ZFAT: variants seen among roughly 807,000 people sequenced by gnomAD.
ZFAT encodes the protein zinc finger protein ZFAT.
In ZFAT, 64 loss-of-function variants were observed where a neutral mutation model predicts 117.7. That is an observed-to-expected ratio of 0.54 (90% CI 0.44 to 0.67). ZFAT has a LOEUF of 0.67. Among genes scored for constraint, ZFAT ranks in the 30% least tolerant of loss-of-function variants. The pLI, the probability that ZFAT is intolerant of heterozygous loss-of-function variation, is 0.00. For missense variants in ZFAT, 1,433 were observed against 1,584.5 expected (o/e 0.90, Z 1.62); for synonymous variants, 679 against 615.0 (o/e 1.10, Z -1.54).
the ZFAT span, among the ~76,000 whole-genome samples, chr8:134,818,124 A>G: frequency 6.6e-6 from 1 of 152,234 alleles, no homozygotes; most frequent in African/African-American, 2.4e-5. Flanking sequence ...AGTACAATCC[A>G]TAAAAGAACT....
At chr8:134,517,264 GTTA>G (rs1820320394) in intron 13 of ZFAT, among the ~76,000 whole-genome samples, 1 of 151,892 alleles carries the variant, frequency 6.6e-6, no homozygotes, top group Non-Finnish European at 1.5e-5. Context: ...GTTTAATTTT[GTTA>G]TTATTATATA....
intron 15 of ZFAT, among the ~76,000 whole-genome samples, chr8:134,479,110 C>G (rs894621812): frequency 1.3e-5 from 2 of 152,118 alleles, no homozygotes; most frequent in Admixed American, 1.3e-4. Flanking sequence ...GGCGGTGCTC[C>G]TGGAAATTTA....
the ZFAT span, among the ~76,000 whole-genome samples, chr8:134,720,146 TC>T: frequency 6.6e-6 from 1 of 151,980 alleles, no homozygotes; most frequent in Non-Finnish European, 1.5e-5. Flanking sequence ...AGGACAGGAG[TC>T]CTCATGGACA....
intron 1 of ZFAT, among the ~76,000 whole-genome samples, chr8:134,664,226 T>C (rs1341290798): frequency 6.7e-6 from 1 of 148,176 alleles, no homozygotes; most frequent in African/African-American, 2.5e-5. Flanking sequence ...GGACGGAGGG[T>C]CAGAGAGGCT....
intron 10 of ZFAT, among the ~76,000 whole-genome samples, chr8:134,567,059 T>C (rs116676608): frequency 1.8e-3 from 276 of 152,340 alleles, no homozygotes; most frequent in Middle Eastern, 6.8e-3. Flanking sequence ...TGTAAACCTT[T>C]GATGCCAAAA....
the ZFAT span, among the ~76,000 whole-genome samples, chr8:134,772,650 A>G: frequency 6.6e-6 from 1 of 152,248 alleles, no homozygotes; most frequent in Non-Finnish European, 1.5e-5. Context: ...TGATCCAGAA[A>G]GTCTAGCTAA....
chr8:134,538,696 T>C (rs950389493), intron 11 of ZFAT, among the ~76,000 whole-genome samples: 1 of 151,066 alleles, frequency 6.6e-6, no homozygotes, highest in Non-Finnish European at 1.5e-5. Context: ...ACTTGTGGGG[T>C]TGAGGCACGA....
chr8:134,827,045 C>T, the ZFAT span, among the ~76,000 whole-genome samples: 1 of 152,100 alleles, frequency 6.6e-6, no homozygotes, highest in Non-Finnish European at 1.5e-5. Context: ...CTCAGCCTTT[C>T]TTTTTTAGGG....
chr8:134,556,226 G>A (rs1823614304), intron 11 of ZFAT, among the ~76,000 whole-genome samples: 1 of 151,870 alleles, frequency 6.6e-6, no homozygotes, highest in African/African-American at 2.4e-5. Context: ...CTTGAAGAAA[G>A]GCAAATAGAA....
intron 11 of ZFAT, among the ~76,000 whole-genome samples, chr8:134,549,255 C>T (rs1822943919): frequency 6.6e-6 from 1 of 152,092 alleles, no homozygotes; most frequent in South Asian, 2.1e-4. Context: ...TCCTGGCTAA[C>T]ATGGTGAAAC....
At chr8:134,662,757 A>G (rs1831995416) in intron 1 of ZFAT, among the ~76,000 whole-genome samples, 2 of 152,270 alleles carry the variant, frequency 1.3e-5, no homozygotes, top group Admixed American at 6.5e-5. Context: ...AGGTCTGGTC[A>G]GCAGGGAGGC....
In ZFAT at chr8:134,671,541, C is replaced by T. The variant is rs185994602; in HGVS notation, c.20-13804G>A. Among the ~76,000 whole-genome samples the T allele has an allele frequency of 1.9e-4, 29 of 152,226 alleles. No homozygotes were observed. In the East Asian group the frequency reaches 5.6e-3, roughly 29 times the overall value. ...CAATAGATGCAGAAAAGGCCTTCAA[C>T]AAAATTCAACAGCCCTTCATGTTAA... is the stretch of plus-strand genomic sequence containing the variant. On this transcript the variant is annotated intron_variant, in intron 1 of 15. Coordinates refer to ENST00000377838, the MANE Select transcript of ZFAT (RefSeq NM_020863.4).
At chr8:134,682,240 C>T (rs2131301648) in intron 1 of ZFAT, among the ~76,000 whole-genome samples, 1 of 152,310 alleles carries the variant, frequency 6.6e-6, no homozygotes, top group East Asian at 1.9e-4. Flanking sequence ...ACAGCATCTA[C>T]TTTAGGGAGC....
chr8:134,520,733 C>T (rs75806135), intron 13 of ZFAT, 150 bp downstream of exon 13: 7,368 of 626,450 alleles, frequency 0.012, 70 homozygotes, highest in Non-Finnish European at 0.017. Flanking sequence ...CCCTCAGACG[C>T]GAGACATCAT....
chr8:134,624,217 CA>C (rs1289542510), intron 3 of ZFAT, among the ~76,000 whole-genome samples: 27 of 150,716 alleles, frequency 1.8e-4, no homozygotes, highest in South Asian at 6.3e-4. Flanking sequence ...CACACACACA[CA>C]CCCTTAACTC....
the ZFAT span, among the ~76,000 whole-genome samples, chr8:134,808,183 T>C: frequency 2.6e-5 from 4 of 152,170 alleles, no homozygotes; most frequent in Non-Finnish European, 4.4e-5. Context: ...CATGCACACA[T>C]GCAGAAACGT....
the ZFAT span, chr8:134,783,932 G>C: frequency 6.6e-6 from 1 of 152,182 alleles, no homozygotes; most frequent in African/African-American, 2.4e-5. Context: ...TAGTCACATA[G>C]GCATGGAGAA....
intron 4 of ZFAT, 99 bp from the exon 5 acceptor site, chr8:134,608,978 T>C: frequency 7.4e-7 from 1 of 1,353,004 alleles, no homozygotes; most frequent in East Asian, 2.6e-5. Context: ...TCTATTTCTA[T>C]ACTGTCTGAT....
chr8:134,650,203 A>G (rs1831155756), intron 2 of ZFAT, among the ~76,000 whole-genome samples: 1 of 150,478 alleles, frequency 6.6e-6, no homozygotes, highest in African/African-American at 2.4e-5. Flanking sequence ...GCTCACTGCA[A>G]CCTCTGCCTC....
Sources: allele counts gnomAD v4.1 joint callset (sites outside exome capture counted in the v4.1 genomes callset), GRCh38; gene constraint gnomAD v4.1.1; transcripts MANE v1.5; gene names NCBI Gene and HGNC (gene_info 2026-07-23, HGNC 2026-07-21).